IL2RB: variants seen among roughly 807,000 people sequenced by gnomAD.
IL2RB encodes the protein interleukin-2 receptor subunit beta.
Under a neutral mutation model 44.2 loss-of-function variants are expected in IL2RB, and 17 were observed. The ratio of observed to expected loss-of-function variants is 0.38; its 90% confidence interval spans 0.26 to 0.58. IL2RB has a LOEUF of 0.58. Ranked by LOEUF, IL2RB falls within the 20% of genes least tolerant of loss-of-function variation. IL2RB has a pLI of 0.63. For missense variants in IL2RB, 624 were observed against 685.5 expected, an observed-to-expected ratio of 0.91 and a Z score of 1.00; for synonymous variants, 286 against 297.9, an observed-to-expected ratio of 0.96 and a Z score of 0.41.
At chr22:37,129,455 C>A (rs1921313571) in intron 9 of IL2RB, among the ~76,000 whole-genome samples, 1 of 149,240 alleles carries the variant, frequency 6.7e-6, no homozygotes, top group Non-Finnish European at 1.5e-5. Context: ...GCAGTCCCCA[C>A]CCCCACCCCC....
Position 37,125,915 on chromosome 22 carries a change from A to T in IL2RB, c.*2181T>A, listed in dbSNP as rs1254187763. 6.6e-6 allele frequency: 1 copy of T among 152,264 alleles called. No individual in the cohort carries two copies. The highest frequency in any genetic ancestry group is 1.5e-5 in the Non-Finnish European group (1 of 68,044). The allele number at this position is 152,264 out of a possible 1,614,324, so 9.4% of individuals were successfully genotyped here. A position where few individuals can be genotyped will look rare whatever the true frequency, so the allele number is the denominator to read the frequency against. On this transcript the variant is annotated 3_prime_UTR_variant, in exon 10 of 10. Transcript: ENST00000216223. ...TGGGTTTTTTCATTTACAGAGTAAC[A>T]AAGATTTTTCTTTAAATAAATGTAT...
intron 1 of IL2RB, among the ~76,000 whole-genome samples, chr22:37,157,729 C>G (rs1922728607): frequency 6.6e-6 from 1 of 152,012 alleles, no homozygotes; most frequent in Non-Finnish European, 1.5e-5. Flanking sequence ...GTTACCATAT[C>G]TCATGTCAGA....
At chr22:37,131,519 A>C (rs2146227770) in intron 9 of IL2RB, among the ~76,000 whole-genome samples, 1 of 152,284 alleles carries the variant, frequency 6.6e-6, no homozygotes, top group South Asian at 2.1e-4. Context: ...AGCGTTACTG[A>C]TCTGCGGGCC....
chr22:37,153,346 C>T (rs1263056888), upstream of IL2RB, among the ~76,000 whole-genome samples: 1 of 152,202 alleles, frequency 6.6e-6, no homozygotes, highest in Non-Finnish European at 1.5e-5. Context: ...CTCCCATGTG[C>T]AAAGCCCGCT....
intron 1 of IL2RB, among the ~76,000 whole-genome samples, chr22:37,170,068 G>A (rs1312101872): frequency 2.9e-4 from 1 of 3,428 alleles, no homozygotes; most frequent in African/African-American, 3.3e-4. Context: ...AGGAAGGAAG[G>A]ATGGGGGAGA....
At chr22:37,142,560 A>G (rs1922020509) in intron 3 of IL2RB, 48 bp from the exon 4 acceptor site, 1 of 1,565,292 alleles carries the variant, frequency 6.4e-7, no homozygotes, top group Non-Finnish European at 8.8e-7. Context: ...GGACCCACAC[A>G]GCTGGCCCAA....
rs145316401 is a variant in IL2RB, at chr22:37,144,109, A to G, written c.64T>C (p.Ser22Pro). 8.2e-5 allele frequency: 127 copies of G among 1,552,458 alleles called. No homozygotes were observed. The African/African-American group carries it at 1.5e-3, about 19-fold the overall frequency. Reference sequence around the variant, plus strand: ...CCATTCACCGCTGCAGATGCCCAAGAGGTAGCCAGGGGCAGGAGGAGGATG... The same window carrying G: ...CCATTCACCGCTGCAGATGCCCAAGGGGTAGCCAGGGGCAGGAGGAGGATG... ...LLILLLPLAT[S>P]WASAAVNGTS... The change falls in exon 2 of 10, where the codon TCT (serine) becomes CCT (proline). Residue 22 changes from serine to proline, a missense_variant. Physicochemically the swap from Ser to Pro is moderately conservative, Grantham distance 74. Around this residue, in one of 3 missense-constraint regions of IL2RB, gnomAD observed 78 missense variants for 70.0 expected, o/e 1.11. Transcript: ENST00000216223.
rs1483993922 is a variant in IL2RB at position 37,141,380 on chromosome 22, C to T, written c.282+1054G>A. 2.0e-5 allele frequency among the ~76,000 whole-genome samples: 3 copies of T among 152,164 alleles called. No individual in the cohort carries two copies. Among genetic ancestry groups the T allele is most frequent in the South Asian group, 2.1e-4 (1 of 4,836 alleles). ...GTCTGGGAAGATCCCCCCTTGCCTCCGCAGGCTCAGAGCTGTCTGTTCCCA... is the reference window on the plus strand; with the variant it reads ...GTCTGGGAAGATCCCCCCTTGCCTCTGCAGGCTCAGAGCTGTCTGTTCCCA... On this transcript the variant is annotated intron_variant, in intron 4 of 9. Coordinates refer to ENST00000216223, the MANE Select transcript of IL2RB (RefSeq NM_000878.5). The surrounding 1 kb of genome is among the most constrained non-coding windows in gnomAD (Gnocchi z 4.4).
chr22:37,142,947 A>G (rs1362904), intron 3 of IL2RB, among the ~76,000 whole-genome samples: 15,286 of 147,190 alleles, frequency 0.1, 2,682 homozygotes, highest in African/African-American at 0.36. Flanking sequence ...CCCACACCCT[A>G]TGGAATCCAC....
At chr22:37,138,911 A>T (rs1921828422) in intron 5 of IL2RB, among the ~76,000 whole-genome samples, 1 of 152,076 alleles carries the variant, frequency 6.6e-6, no homozygotes, top group Non-Finnish European at 1.5e-5. Context: ...AGTGCCGGGG[A>T]GGAGGCCCAG....
chr22:37,136,357 A>T lies in IL2RB; in HGVS notation c.574T>A (p.Trp192Arg). ...GGGGTGAGCGTCTCCAGGCAGATCC[A>T]TTCCTGCTTCTGCTTGAGAGTCAGC... ...PLLTLKQKQEWICLETLTPDT... is the reference protein window; with the variant it reads ...PLLTLKQKQERICLETLTPDT... The change falls in exon 7 of 10, where the codon TGG (tryptophan) becomes AGG (arginine). Residue 192 changes from tryptophan to arginine, a missense_variant. Coordinates refer to ENST00000216223, the MANE Select transcript of IL2RB (RefSeq NM_000878.5). The T allele has an allele frequency of 6.8e-6, 11 of 1,612,516 alleles. No homozygotes were observed. The highest frequency in any genetic ancestry group is 9.3e-6 in the Non-Finnish European group (11 of 1,179,478).
In IL2RB at chr22:37,132,277, C is replaced by T. The variant is rs182299414; in HGVS notation, c.903+107G>A. The T allele has an allele frequency of 8.2e-5, 64 of 778,250 alleles. 1 individual carries two copies. The highest frequency in any genetic ancestry group is 4.2e-4 in the Admixed American group (19 of 45,594). 48.2% of individuals were successfully genotyped at this position (778,250 alleles called of 1,614,324 possible). ...TGCACACCCCGGAGGCTGCTCACTT[C>T]GGCGTTTTGTCTCCTCTCACAAAAC... On this transcript the variant is annotated intron_variant, in intron 9 of 9. Transcript: ENST00000216223.
intron 1 of IL2RB, among the ~76,000 whole-genome samples, chr22:37,146,814 G>C (rs1266454421): frequency 2.0e-5 from 3 of 148,036 alleles, no homozygotes; most frequent in Non-Finnish European, 4.4e-5. Context: ...CCTCAGTACG[G>C]CAAAAAAAAA....
chr22:37,167,435 A>C (rs368931359), intron 1 of IL2RB, among the ~76,000 whole-genome samples: 7 of 152,130 alleles, frequency 4.6e-5, no homozygotes, highest in African/African-American at 1.7e-4. Context: ...ACCCCACCCA[A>C]CATTTCCTGC....
intron 1 of IL2RB, among the ~76,000 whole-genome samples, chr22:37,169,718 C>G (rs538073081): frequency 6.6e-6 from 1 of 152,240 alleles, no homozygotes; most frequent in East Asian, 1.9e-4. Flanking sequence ...TCTTATCCCG[C>G]GGACTCATCA....
intron 9 of IL2RB, among the ~76,000 whole-genome samples, chr22:37,130,530 G>C (rs1245901647): frequency 6.6e-6 from 1 of 152,202 alleles, no homozygotes; most frequent in Non-Finnish European, 1.5e-5. Context: ...AAAAGGTGGG[G>C]CCTGCTTTGC....
chr22:37,132,498 G>A lies in IL2RB; in HGVS notation c.819-30C>T, dbSNP rs978212337. 3.2e-6 allele frequency: 5 copies of A among 1,567,478 alleles called. No individual in the cohort carries two copies. The Admixed American group carries it at 5.0e-5, about 16-fold the overall frequency. On this transcript the variant is annotated intron_variant, in intron 8 of 9. Transcript: ENST00000216223. ...ACAGAGGAGAGGAGGGAAGGAGGAG[G>A]GTGAGAAAGGGAAGGACCGCGGTGT... is the stretch of plus-strand genomic sequence containing the variant.
chr22:37,154,931 G>T (rs981066514), intron 1 of IL2RB, among the ~76,000 whole-genome samples: 2 of 152,116 alleles, frequency 1.3e-5, no homozygotes, highest in Admixed American at 6.6e-5. Context: ...GAAGTTTTGG[G>T]TAGAGGGGCT....
chr22:37,136,503 C>T, intron 6 of IL2RB, 110 bp from the exon 7 acceptor site: 1 of 1,219,758 alleles, frequency 8.2e-7, no homozygotes, highest in Non-Finnish European at 1.1e-6. Context: ...CCCCCACTTC[C>T]TTGCCACCCA....
Sources: gnomAD v4.1 joint callset for allele counts (sites outside exome capture counted in the v4.1 genomes callset) on GRCh38, gnomAD v4.1.1 for gene constraint, gnomAD v4.1.1 regional missense constraint, Gnocchi (gnomAD v3.1) non-coding constraint, MANE v1.5 for transcripts, NCBI Gene and HGNC (gene_info 2026-07-23, HGNC 2026-07-21) for gene names.